MGAM2: variants seen among roughly 807,000 people sequenced by gnomAD.
MGAM2 encodes the protein probable maltase-glucoamylase 2.
In MGAM2, 98 loss-of-function variants were observed where a neutral mutation model predicts 96.1. That is an observed-to-expected ratio of 1.02 (90% confidence interval 0.87 to 1.21). MGAM2 has a LOEUF of 1.21. Among genes scored for constraint, MGAM2 ranks in the 50% most tolerant of loss-of-function variants. The probability of loss-of-function intolerance (pLI) is 0.00; values close to 1 mark genes in which losing one functional copy is unlikely to be tolerated. For synonymous variants in MGAM2, 749 were observed against 414.8 expected (o/e 1.81, Z -9.79); for missense variants, 2,055 against 1,182.4 (o/e 1.74, Z -10.82).
At chr7:142,214,426 A>G (rs564687396) in intron 46 of MGAM2, among the ~76,000 whole-genome samples, 3 of 152,356 alleles carry the variant, frequency 2.0e-5, no homozygotes, top group Admixed American at 1.3e-4. Flanking sequence ...CTCAGCCGAA[A>G]ATCTCATTAA....
intron 19 of MGAM2, 148 bp from the exon 20 acceptor site, chr7:142,159,139 T>C (rs1269446102): frequency 1.7e-6 from 1 of 588,482 alleles, no homozygotes; most frequent in Non-Finnish European, 3.1e-6. Context: ...GCTCAACCTT[T>C]ATGTGTCTGT....
At position 142,183,331 on chromosome 7, in the gene MGAM2, G is replaced by A. The variant is rs1298429502; in HGVS notation, c.3882G>A (p.Val1294=). The part of the protein sequence containing the change: ...LPFIRGQENN[V]FIKWPDTNDI... ...TCATTAGAGGACAGGAAAATAACGTGTTCATCAAATGGCCTGACACCAATG... is the reference window on the plus strand; with the variant it reads ...TCATTAGAGGACAGGAAAATAACGTATTCATCAAATGGCCTGACACCAATG... The change falls in exon 33 of 48, where the codon GTG becomes GTA. Residue 1294 remains valine (V), a synonymous_variant. Transcript: ENST00000477922. 1.3e-5 allele frequency: 9 copies of A among 703,164 alleles called. No homozygotes were observed. Among genetic ancestry groups the A allele is most frequent in the Non-Finnish European group, 2.3e-5 (9 of 384,978 alleles). 43.6% of individuals were successfully genotyped at this position (703,164 alleles called of 1,614,324 possible).
At chr7:142,122,047 C>CT (rs35983917) in intron 3 of MGAM2, among the ~76,000 whole-genome samples, 16 of 151,928 alleles carry the variant, frequency 1.1e-4, no homozygotes, top group African/African-American at 1.4e-4. Flanking sequence ...CTTATTTTAA[C>CT]TTTTTTTTAA....
chr7:142,123,724 A>G (rs1348361793), intron 3 of MGAM2, among the ~76,000 whole-genome samples: 41 of 151,878 alleles, frequency 2.7e-4, no homozygotes, highest in Admixed American at 2.7e-3. Context: ...TTGTCTTTTA[A>G]CTCTCTTAAT....
intron 30 of MGAM2, 101 bp downstream of exon 30, chr7:142,172,865 G>T: frequency 3.4e-6 from 2 of 587,866 alleles, no homozygotes; most frequent in Non-Finnish European, 6.0e-6. Context: ...TGACTCTTGA[G>T]TGTCACTACT....
At chr7:142,129,453 G>A (rs1794820586) in intron 3 of MGAM2, among the ~76,000 whole-genome samples, 1 of 152,070 alleles carries the variant, frequency 6.6e-6, no homozygotes, top group African/African-American at 2.4e-5. Flanking sequence ...AGAATGACAT[G>A]GTTTGACTCT....
chr7:142,131,218 T>C (rs991829220), intron 4 of MGAM2, 147 bp downstream of exon 4: 6 of 612,362 alleles, frequency 9.8e-6, no homozygotes, highest in Non-Finnish European at 1.5e-5. Context: ...CGTGGGTGGA[T>C]CATGAGGTCA....
chr7:142,220,959 A>T lies in MGAM2; in HGVS notation c.6448A>T (p.Thr2150Ser), dbSNP rs945371610. The T allele has an allele frequency of 1.4e-6, 1 of 701,820 alleles. No homozygotes were observed. Among genetic ancestry groups the T allele is most frequent in the Non-Finnish European group, 2.6e-6 (1 of 384,664 alleles). The allele number at this position is 701,820 out of a possible 1,614,324, so 43.5% of individuals were successfully genotyped here. ...AAGTACTCCTGTTCAAACAAATACTACTAATGCTAGCACTAGTACTAATGT... is the reference window on the plus strand; with the variant it reads ...AAGTACTCCTGTTCAAACAAATACTTCTAATGCTAGCACTAGTACTAATGT... Reference protein sequence around the residue: ...NISTPVQTNTTNASTSTNVAN... With the variant: ...NISTPVQTNTSNASTSTNVAN... The change falls in exon 48 of 48, where the codon ACT (threonine) becomes TCT (serine). Residue 2150 changes from threonine (T) to serine (S), a missense_variant. Physicochemically the swap from Thr to Ser is moderately conservative, Grantham distance 58. Transcript: ENST00000477922.
In MGAM2 at chr7:142,111,772, G is replaced by C. The variant is rs1012358407; in HGVS notation, c.-36G>C. The C allele has an allele frequency of 1.3e-5, 2 of 152,144 alleles. No homozygotes were observed. The highest frequency in any genetic ancestry group is 4.8e-5 in the African/African-American group (2 of 41,424). The allele number at this position is 152,144 out of a possible 1,614,324, so 9.4% of individuals were successfully genotyped here. A position where few individuals can be genotyped will look rare whatever the true frequency, so the allele number is the denominator to read the frequency against. ...TCAGTGCTCCCTATGAATTGCTGAGGGAGAGATACAGCATAGAAAAAAACA... is the reference window on the plus strand; with the variant it reads ...TCAGTGCTCCCTATGAATTGCTGAGCGAGAGATACAGCATAGAAAAAAACA... On this transcript the variant is annotated 5_prime_UTR_variant, in exon 1 of 48. Transcript: ENST00000477922.
At position 142,221,283 on chromosome 7, in the gene MGAM2, A is replaced by G. The variant is rs778152820; in HGVS notation, c.6772A>G (p.Thr2258Ala). Residue 2258 changes from threonine to alanine, a missense_variant, in exon 48 of 48, where the codon ACA becomes GCA. Transcript: ENST00000477922. ...GNITSNSISI[T>A]TTSFGNSVPF... ...TATAACTAGTAATAGTATTTCCATA[A>G]CAACTACTTCTTTTGGTAATAGTGT... 1.8e-5 allele frequency: 12 copies of G among 680,232 alleles called. No individual in the cohort carries two copies. The highest frequency in any genetic ancestry group is 2.7e-5 in the Non-Finnish European group (10 of 373,248). The allele number at this position is 680,232 out of a possible 1,614,324, so 42.1% of individuals were successfully genotyped here.
chr7:142,147,905 A>G (rs1303650309), intron 15 of MGAM2, among the ~76,000 whole-genome samples: 2 of 114,236 alleles, frequency 1.8e-5, no homozygotes, highest in African/African-American at 5.7e-5. Context: ...TTTAGCAAAT[A>G]AAAATACAGG....
Position 142,220,535 on chromosome 7 carries a change from T to C in MGAM2, c.6024T>C (p.Thr2008=). ...CAACTGCTCCTTTCCCTACAAGTAC[T>C]ACTAGTGCTAGCACTAATGCTACCC... ...PDTTAPFPTS[T]TSASTNATPV... is the part of the protein sequence containing the mutation. Residue 2008 remains threonine (T), a synonymous_variant, in exon 48 of 48, where the codon ACT becomes ACC. Transcript: ENST00000477922. 1 of 702,510 alleles carries C rather than the reference T, an allele frequency of 1.4e-6. No individual in the cohort carries two copies. Among genetic ancestry groups the C allele is most frequent in the Non-Finnish European group, 2.6e-6 (1 of 384,882 alleles). The allele number at this position is 702,510 out of a possible 1,614,324, so 43.5% of individuals were successfully genotyped here.
chr7:142,163,085 A>G (rs1421800823), intron 23 of MGAM2, among the ~76,000 whole-genome samples: 1 of 152,154 alleles, frequency 6.6e-6, no homozygotes, highest in African/African-American at 2.4e-5. Context: ...TAGTTCCCTC[A>G]AAACCCATCC....
chr7:142,212,727 A>G (rs1480571250), intron 46 of MGAM2, among the ~76,000 whole-genome samples: 1 of 152,178 alleles, frequency 6.6e-6, no homozygotes, highest in East Asian at 1.9e-4. Flanking sequence ...ACTCCCACAC[A>G]ATAATAGTGG....
At chr7:142,174,219 T>G (rs1215726057) in intron 31 of MGAM2, among the ~76,000 whole-genome samples, 2 of 152,230 alleles carry the variant, frequency 1.3e-5, no homozygotes, top group Non-Finnish European at 2.9e-5. Flanking sequence ...TTGTGAAGAA[T>G]GTCAATGGTA....
At chr7:142,201,683 G>A (rs1797238900) in intron 45 of MGAM2, among the ~76,000 whole-genome samples, 2 of 152,142 alleles carry the variant, frequency 1.3e-5, no homozygotes, top group African/African-American at 4.8e-5. Flanking sequence ...TATTGACCAT[G>A]TACAGACATG....
At chr7:142,205,209 A>G (rs12333755) in intron 45 of MGAM2, among the ~76,000 whole-genome samples, 4,638 of 152,156 alleles carry the variant, frequency 0.03, 235 homozygotes, top group African/African-American at 0.1. Flanking sequence ...TCATCAATTG[A>G]TGGACATTTG....
chr7:142,134,382 A>T (rs977634628), intron 7 of MGAM2, among the ~76,000 whole-genome samples: 1 of 152,142 alleles, frequency 6.6e-6, no homozygotes, highest in African/African-American at 2.4e-5. Flanking sequence ...TTTTTAAACA[A>T]ATTTCACTTT....
rs187065004 is a variant in MGAM2 at position 142,141,752 on chromosome 7, A to C, written c.1317+633A>C. ...TGACCTCAGGTGATTTGCCTGCCTC[A>C]GCCTCCCAAACTGCTGGGATTACAG... On this transcript the variant is annotated intron_variant, in intron 12 of 47. Coordinates refer to ENST00000477922, the MANE Select transcript of MGAM2 (RefSeq NM_001293626.2). 2.8e-3 allele frequency among the ~76,000 whole-genome samples: 422 copies of C among 152,234 alleles called. 1 individual carries two copies. The highest frequency in any genetic ancestry group is 4.6e-3 in the Non-Finnish European group (316 of 68,024).
Sources: allele counts gnomAD v4.1 joint callset (sites outside exome capture counted in the v4.1 genomes callset), GRCh38; gene constraint gnomAD v4.1.1; transcripts MANE v1.5; gene names NCBI Gene and HGNC (gene_info 2026-07-23, HGNC 2026-07-21).